The following TENM2 variants were observed in gnomAD, a reference collection of about 807,000 sequenced individuals.
The protein encoded by TENM2 is teneurin-2.
Under a neutral mutation model 245.2 loss-of-function variants are expected in TENM2, and 52 were observed. That is an observed-to-expected ratio of 0.21 (90% confidence interval 0.17 to 0.27). TENM2 has a LOEUF of 0.27. Ranked by LOEUF, TENM2 falls within the 10% of genes least tolerant of loss-of-function variation. TENM2 has a pLI of 1.00. For synonymous variants in TENM2, 1,363 were observed against 1,438.9 expected (o/e 0.95, Z 1.19); for missense variants, 3,046 against 3,666.8 (o/e 0.83, Z 4.37).
At chr5:168,109,464 C>T (rs145858058) in intron 9 of TENM2, among the ~76,000 whole-genome samples, 28 of 152,358 alleles carry the variant, frequency 1.8e-4, no homozygotes, top group African/African-American at 6.0e-4. Context: ...CAGAGAGATT[C>T]AAGACCCTTG....
intron 2 of TENM2, among the ~76,000 whole-genome samples, chr5:167,417,837 C>T (rs1005224649): frequency 6.6e-6 from 1 of 152,260 alleles, no homozygotes; most frequent in Admixed American, 6.5e-5. Flanking sequence ...TGCTGTTTCC[C>T]TGGTGTGGAT....
At chr5:168,202,361 A>G (rs1170453690) in intron 17 of TENM2, among the ~76,000 whole-genome samples, 1 of 151,996 alleles carries the variant, frequency 6.6e-6, no homozygotes, top group African/African-American at 2.4e-5. Context: ...GAACTCATGG[A>G]CTGAAATGCA....
At chr5:167,265,184 T>A in the TENM2 span, among the ~76,000 whole-genome samples, 1 of 149,298 alleles carries the variant, frequency 6.7e-6, no homozygotes, top group African/African-American at 2.5e-5. Context: ...AAAAAAAAAA[T>A]TAACCTGGCA....
rs1263145827 is a variant in TENM2, at chr5:168,219,017, G to A, written c.5108+18G>A. 4.4e-6 allele frequency: 7 copies of A among 1,605,194 alleles called. No homozygotes were observed. Among genetic ancestry groups the A allele is most frequent in the Non-Finnish European group, 4.3e-6 (5 of 1,174,544 alleles). On this transcript the variant is annotated intron_variant, in intron 23 of 28. Transcript: ENST00000518659. ...TTCTATGAGTAAGTGGGTTTGTAAAGCATCTCTGAAGAGCCCTTCCCTTGC... is the reference window on the plus strand; with the variant it reads ...TTCTATGAGTAAGTGGGTTTGTAAAACATCTCTGAAGAGCCCTTCCCTTGC...
intron 4 of TENM2, among the ~76,000 whole-genome samples, chr5:167,992,570 A>G (rs1468210964): frequency 6.6e-6 from 1 of 152,192 alleles, no homozygotes; most frequent in Non-Finnish European, 1.5e-5. Context: ...CAAACTGCAC[A>G]TGTACCATGA....
chr5:167,167,270 A>T, the TENM2 span, among the ~76,000 whole-genome samples: 1 of 152,190 alleles, frequency 6.6e-6, no homozygotes, highest in Non-Finnish European at 1.5e-5. Flanking sequence ...AAATTAGGTT[A>T]TCTTTGTAAT....
intron 2 of TENM2, among the ~76,000 whole-genome samples, chr5:167,418,978 T>C (rs890349136): frequency 4.6e-5 from 7 of 152,124 alleles, no homozygotes; most frequent in African/African-American, 9.7e-5. Context: ...AATAAAAGCA[T>C]ATTGAGAAAT....
intron 7 of TENM2, among the ~76,000 whole-genome samples, chr5:168,064,334 C>T (rs936253097): frequency 6.6e-6 from 1 of 152,166 alleles, no homozygotes; most frequent in Admixed American, 6.5e-5. Flanking sequence ...CTGAGCATAA[C>T]TTGCCTCTCA....
At chr5:167,613,756 ATG>A (rs886426502) in intron 2 of TENM2, among the ~76,000 whole-genome samples, 4 of 152,142 alleles carry the variant, frequency 2.6e-5, no homozygotes, top group African/African-American at 9.7e-5. Flanking sequence ...GTCAGGCTTT[ATG>A]TGTGTGTATG....
At chr5:168,242,305 CCCA>C (rs1286753463) in intron 25 of TENM2, among the ~76,000 whole-genome samples, 1 of 152,152 alleles carries the variant, frequency 6.6e-6, no homozygotes, top group Non-Finnish European at 1.5e-5. Context: ...TATTCCTTGT[CCCA>C]CCCCCTCACA....
chr5:167,776,012 A>T (rs900517114), intron 2 of TENM2, among the ~76,000 whole-genome samples: 1 of 152,192 alleles, frequency 6.6e-6, no homozygotes, highest in African/African-American at 2.4e-5. Context: ...TAAATATGAC[A>T]TCTACAATTA....
chr5:167,632,929 A>G lies in TENM2; in HGVS notation c.503-243057A>G, dbSNP rs1349422708. On this transcript the variant is annotated intron_variant, in intron 2 of 28. Coordinates refer to ENST00000518659, the Ensembl canonical transcript of TENM2. ...TGTGGTTTCTCTGTCATGATTTCGT[A>G]TCATTTTCTGAAGTAAAATGAACAG... Among the ~76,000 whole-genome samples, 4 of 152,338 alleles carry G rather than the reference A, an allele frequency of 2.6e-5. No individual in the cohort carries two copies. In the East Asian group the frequency reaches 7.7e-4, roughly 29 times the overall value.
At chr5:167,921,521 A>G (rs976404059) in intron 3 of TENM2, among the ~76,000 whole-genome samples, 44 of 152,218 alleles carry the variant, frequency 2.9e-4, no homozygotes, top group African/African-American at 9.9e-4. Flanking sequence ...AGTGTGGTCT[A>G]TGGACCAGCA....
chr5:167,228,708 T>A, the TENM2 span, among the ~76,000 whole-genome samples: 1 of 96,592 alleles, frequency 1.0e-5, no homozygotes, highest in African/African-American at 5.4e-5. Flanking sequence ...CTTCTTCCAA[T>A]TTTTTTTTAT....
At chr5:167,971,234 T>C (rs28477392) in intron 4 of TENM2, among the ~76,000 whole-genome samples, 57 of 141,188 alleles carry the variant, frequency 4.0e-4, no homozygotes, top group Non-Finnish European at 7.1e-4. Context: ...GAGATGGAGA[T>C]AGAGATAAAG....
At chr5:167,980,867 C>T (rs955768725) in intron 4 of TENM2, among the ~76,000 whole-genome samples, 1 of 152,224 alleles carries the variant, frequency 6.6e-6, no homozygotes, top group Admixed American at 6.5e-5. Flanking sequence ...GAGAGAAGGA[C>T]AGGAACCATG....
chr5:167,782,273 ACTG>A (rs1764237566), intron 2 of TENM2, among the ~76,000 whole-genome samples: 1 of 138,564 alleles, frequency 7.2e-6, no homozygotes, highest in African/African-American at 2.8e-5. Flanking sequence ...AGATCGTGCC[ACTG>A]CACTCCAGCC....
chr5:167,181,433 C>T, the TENM2 span, among the ~76,000 whole-genome samples: 1 of 133,222 alleles, frequency 7.5e-6, no homozygotes, highest in African/African-American at 3.1e-5. Context: ...TTTCTCAGTT[C>T]TCTGTTTTTT....
rs544601942 is a variant in TENM2, at chr5:167,903,926, A to G, written c.712+27731A>G. 2.2e-4 allele frequency among the ~76,000 whole-genome samples: 34 copies of G among 152,310 alleles called. No individual in the cohort carries two copies. The East Asian group carries it at 5.6e-3, about 25-fold the overall frequency. On this transcript the variant is annotated intron_variant, in intron 3 of 28. Coordinates refer to ENST00000518659, the Ensembl canonical transcript of TENM2. Reference sequence around the variant, plus strand: ...TGGGATGTGGTGTGCTCAAACACGTATTTAAATATCACTCTGGCTGAATAG... The same window carrying G: ...TGGGATGTGGTGTGCTCAAACACGTGTTTAAATATCACTCTGGCTGAATAG...
Sources: allele counts gnomAD v4.1 joint callset (sites outside exome capture counted in the v4.1 genomes callset), GRCh38; gene constraint gnomAD v4.1.1; transcripts MANE v1.5; gene names NCBI Gene and HGNC (gene_info 2026-07-23, HGNC 2026-07-21).